CACNA1C: variants seen among roughly 807,000 people sequenced by gnomAD.
CACNA1C encodes the protein voltage-dependent L-type calcium channel subunit alpha-1C.
A neutral mutation model predicts 229.0 loss-of-function variants in CACNA1C; 30 were observed. The observed-to-expected ratio is 0.13, with a 90% confidence interval of 0.10 to 0.18. The LOEUF is 0.18. Among genes scored for constraint, CACNA1C ranks in the 10% least tolerant of loss-of-function variants. CACNA1C has a pLI of 1.00. For missense variants in CACNA1C, 1,658 were observed against 2,845.0 expected, an observed-to-expected ratio of 0.58 and a Z score of 9.49; for synonymous variants, 1,114 against 1,132.5, an observed-to-expected ratio of 0.98 and a Z score of 0.33.
chr12:2,448,351 G>A (rs1338906911), intron 3 of CACNA1C, among the ~76,000 whole-genome samples: 3 of 152,176 alleles, frequency 2.0e-5, no homozygotes. Flanking sequence ...CGACGTCTTT[G>A]GACAGAAGGT....
chr12:2,219,444 T>C (rs2060856821), intron 3 of CACNA1C, among the ~76,000 whole-genome samples: 1 of 152,216 alleles, frequency 6.6e-6, no homozygotes, highest in Admixed American at 6.5e-5. Context: ...ACCCTGGAAA[T>C]GCTCTTTTCT....
At chr12:2,249,018 C>T (rs1402350286) in intron 3 of CACNA1C, among the ~76,000 whole-genome samples, 3 of 152,280 alleles carry the variant, frequency 2.0e-5, no homozygotes, top group East Asian at 1.9e-4. Context: ...TTGACTGGCA[C>T]CTCAGTTTGA....
chr12:2,656,192 T>C (rs1425355393), intron 34 of CACNA1C, among the ~76,000 whole-genome samples: 7 of 152,056 alleles, frequency 4.6e-5, no homozygotes, highest in African/African-American at 1.7e-4. Flanking sequence ...ATATAGAAAA[T>C]CCTAAAGACC....
intron 3 of CACNA1C, among the ~76,000 whole-genome samples, chr12:2,375,263 C>T (rs894035194): frequency 1.3e-5 from 2 of 152,216 alleles, no homozygotes; most frequent in Admixed American, 6.5e-5. Flanking sequence ...CTTCCCTGTG[C>T]TGCCTCAGTG....
chr12:2,591,796 G>A (rs890093262), intron 18 of CACNA1C, among the ~76,000 whole-genome samples: 3 of 151,752 alleles, frequency 2.0e-5, no homozygotes, highest in African/African-American at 4.8e-5. Context: ...CAAGGGGTCT[G>A]CAGGGCCAAG....
chr12:2,281,042 A>T (rs2091059413), intron 3 of CACNA1C, among the ~76,000 whole-genome samples: 1 of 152,040 alleles, frequency 6.6e-6, no homozygotes, highest in Non-Finnish European at 1.5e-5. Context: ...TACATGTGCC[A>T]TGTTGGTGTG....
chr12:1,985,862 G>C (rs868097587), intron 1 of CACNA1C, among the ~76,000 whole-genome samples: 3 of 152,100 alleles, frequency 2.0e-5, no homozygotes, highest in Non-Finnish European at 2.9e-5. Flanking sequence ...CCAGGCTGGA[G>C]TGCAGTGGTG....
intron 3 of CACNA1C, among the ~76,000 whole-genome samples, chr12:2,404,626 G>A (rs959116888): frequency 6.6e-6 from 1 of 152,112 alleles, no homozygotes; most frequent in Non-Finnish European, 1.5e-5. Flanking sequence ...GGCAGAAAGC[G>A]GCCAGCTCCC....
chr12:2,607,208 T>C, intron 26 of CACNA1C, 78 bp downstream of exon 26: 1 of 1,465,088 alleles, frequency 6.8e-7, no homozygotes, highest in Non-Finnish European at 9.3e-7. Flanking sequence ...CCCCAAGTTT[T>C]GTTAATGTCC....
rs146323279 is a variant in CACNA1C, at chr12:2,215,318, T to A, written c.477+94888T>A. On this transcript the variant is annotated intron_variant, in intron 3 of 46. Transcript: ENST00000399655. This position sits in a 1 kb window ranked among gnomAD's most constrained non-coding sequence, Gnocchi z 5.0. ...CTGCGAGCTTGCCCACTTGCTAGGA[T>A]GGATCCTGGTCAGTGGATCAGGTGG... Among the ~76,000 whole-genome samples the A allele has an allele frequency of 8.1e-4, 124 of 152,320 alleles. No homozygotes were observed. The highest frequency in any genetic ancestry group is 2.9e-3 in the African/African-American group (119 of 41,574).
chr12:2,280,855 T>G (rs1362505639), intron 3 of CACNA1C, among the ~76,000 whole-genome samples: 1 of 152,266 alleles, frequency 6.6e-6, no homozygotes, highest in East Asian at 1.9e-4. Flanking sequence ...TGCCTCCTTT[T>G]GGATTAACTG....
At chr12:2,438,290 A>ATGGTGGTGGTAATGATGGTGG (rs2099169136) in intron 3 of CACNA1C, among the ~76,000 whole-genome samples, 1 of 122,528 alleles carries the variant, frequency 8.2e-6, no homozygotes, top group African/African-American at 3.4e-5. Flanking sequence ...AGTGGTAATG[A>ATGGTGGTGGTAATGATGGTGG]TGGTGGTGGT....
At position 2,673,157 on chromosome 12, in the gene CACNA1C, T is replaced by A. The variant is rs188193349; in HGVS notation, c.4727-1384T>A. 5.9e-5 allele frequency among the ~76,000 whole-genome samples: 9 copies of A among 152,270 alleles called. No individual in the cohort carries two copies. In the East Asian group the frequency reaches 1.7e-3, roughly 29 times the overall value. On this transcript the variant is annotated intron_variant, in intron 38 of 46. Coordinates refer to ENST00000399655, the MANE Select transcript of CACNA1C (RefSeq NM_000719.7). ...TGGTTTCCTACTGCTGCAAAGCAAATTACTACAAGCTTTTCAGCTTAAAAA... is the reference window on the plus strand; with the variant it reads ...TGGTTTCCTACTGCTGCAAAGCAAAATACTACAAGCTTTTCAGCTTAAAAA...
chr12:1,993,538 C>T (rs888666472), intron 1 of CACNA1C: 2 of 918,208 alleles, frequency 2.2e-6, no homozygotes, highest in Non-Finnish European at 3.2e-6. Flanking sequence ...ACTTCTTCAC[C>T]ACTGGCATCA....
chr12:2,665,544 G>A lies in CACNA1C; in HGVS notation c.4399-37G>A, dbSNP rs1569138865. 1.2e-6 allele frequency: 2 copies of A among 1,609,664 alleles called. No individual in the cohort carries two copies. Among genetic ancestry groups the A allele is most frequent in the East Asian group, 2.2e-5 (1 of 44,670 alleles). On this transcript the variant is annotated intron_variant, in intron 35 of 46. Coordinates refer to ENST00000399655, the MANE Select transcript of CACNA1C (RefSeq NM_000719.7). The surrounding 1 kb of genome is among the most constrained non-coding windows in gnomAD (Gnocchi z 5.9). ...GTTCCAGAGGCAGGTGTGTAGGAAGGTCTTCTCACAGCACCTCATTGTACT... is the reference window on the plus strand; with the variant it reads ...GTTCCAGAGGCAGGTGTGTAGGAAGATCTTCTCACAGCACCTCATTGTACT...
At chr12:2,277,098 G>A (rs575525330) in intron 3 of CACNA1C, among the ~76,000 whole-genome samples, 1 of 152,102 alleles carries the variant, frequency 6.6e-6, no homozygotes, top group Non-Finnish European at 1.5e-5. Context: ...CATTTGCATA[G>A]CACTTCACAG....
rs558769906 is a variant in CACNA1C, at chr12:2,300,351, G to T, written c.478-148625G>T. 3.9e-5 allele frequency among the ~76,000 whole-genome samples: 6 copies of T among 152,328 alleles called. No individual in the cohort carries two copies. In the East Asian group the frequency reaches 1.2e-3, roughly 29 times the overall value. On this transcript the variant is annotated intron_variant, in intron 3 of 46. Transcript: ENST00000399655. ...AAGGACCAGGCCGGGCACGGCGGGC[G>T]GCTCATGCCTGTAATCCCAGCACTT...
At chr12:2,103,424 G>A (rs1372499242) in intron 1 of CACNA1C, among the ~76,000 whole-genome samples, 1 of 151,942 alleles carries the variant, frequency 6.6e-6, no homozygotes, top group Non-Finnish European at 1.5e-5. Context: ...TTTTTGATGG[G>A]ATTTTTTTTT....
intron 3 of CACNA1C, among the ~76,000 whole-genome samples, chr12:2,447,859 G>A (rs2099314038): frequency 6.6e-6 from 1 of 152,250 alleles, no homozygotes; most frequent in Admixed American, 6.5e-5. Context: ...GGGGAAAATG[G>A]GTCTAGGGGT....
Sources: allele counts gnomAD v4.1 joint callset (sites outside exome capture counted in the v4.1 genomes callset), GRCh38; gene constraint gnomAD v4.1.1; non-coding constraint Gnocchi (gnomAD v3.1); transcripts MANE v1.5; gene names NCBI Gene and HGNC (gene_info 2026-07-23, HGNC 2026-07-21).